Variants in SHBG observed in about 807,000 individuals in gnomAD.
The protein encoded by SHBG is sex hormone-binding globulin.
Under a neutral mutation model 41.9 loss-of-function variants are expected in SHBG, and 37 were observed. The observed-to-expected ratio is 0.88, with a 90% confidence interval of 0.68 to 1.16. The LOEUF is 1.16. Ranked by LOEUF, SHBG falls within the 50% of genes most tolerant of loss-of-function variation. SHBG has a pLI of 0.00. For synonymous variants in SHBG, 217 were observed against 205.8 expected (o/e 1.05, Z -0.47); for missense variants, 466 against 499.9 (o/e 0.93, Z 0.65).
At chr17:7,615,625 C>A (rs546394740) in intron 1 of SHBG, among the ~76,000 whole-genome samples, 2 of 147,512 alleles carry the variant, frequency 1.4e-5, no homozygotes, top group Admixed American at 6.8e-5. Flanking sequence ...TCGAGACCAG[C>A]GTGGCCAAAA....
chr17:7,624,242 C>T (rs781405708), upstream of SHBG, among the ~76,000 whole-genome samples: 8 of 151,462 alleles, frequency 5.3e-5, no homozygotes, highest in Non-Finnish European at 7.4e-5. Context: ...TGAGCCACCA[C>T]GCCTGGCCAT....
chr17:7,614,359 C>A, intron 1 of SHBG: 1 of 931,038 alleles, frequency 1.1e-6, no homozygotes, highest in South Asian at 1.6e-5. Flanking sequence ...GGCCAGGACT[C>A]AGCTCCAGAA....
chr17:7,622,008 T>G (rs2072107025), intron 1 of SHBG, among the ~76,000 whole-genome samples: 1 of 150,460 alleles, frequency 6.6e-6, no homozygotes, highest in Admixed American at 6.6e-5. Context: ...GGCTAATTTT[T>G]TTTTTTTTTT....
At position 7,630,502 on chromosome 17, in the gene SHBG, C is replaced by A; in HGVS notation, c.198C>A (p.Ile66=). ...IAVMTFDLTK[I]TKTSSSFEVR... ...TCATGACCTTTGACCTCACCAAGAT[C>A]ACAAAGTATGGGGTTGGCCTAGCCC... Residue 66 remains isoleucine (I), a synonymous_variant, in exon 2 of 8, where the codon ATC becomes ATA. Transcript: ENST00000380450. The surrounding 1 kb of genome is among the most constrained non-coding windows in gnomAD (Gnocchi z 4.6). 6.2e-7 allele frequency: 1 copy of A among 1,613,884 alleles called. No homozygotes were observed. Among genetic ancestry groups the A allele is most frequent in the South Asian group, 1.1e-5 (1 of 91,066 alleles).
upstream of SHBG, among the ~76,000 whole-genome samples, chr17:7,625,437 C>T (rs1164696968): frequency 1.3e-5 from 2 of 150,768 alleles, no homozygotes; most frequent in African/African-American, 2.4e-5. Context: ...CTTAGCCGGG[C>T]GTGGTGGCGG....
Position 7,621,704 on chromosome 17 carries a change from G to GA in SHBG, c.-62+7603dup, listed in dbSNP as rs200605456. Among the ~76,000 whole-genome samples, 281 of 148,444 alleles carry GA rather than the reference G, an allele frequency of 1.9e-3. 3 individuals are homozygous for GA. The highest frequency in any genetic ancestry group is 0.015 in the Admixed American group (225 of 14,774). ...AATAAAGTACATAATGTATATCTGTGAAAAAAAAAATCCCATGGAATTGGG... is the reference window on the plus strand; with the variant it reads ...AATAAAGTACATAATGTATATCTGTGAAAAAAAAAAATCCCATGGAATTGGG... On this transcript the variant is annotated intron_variant, in intron 1 of 5. Transcript: ENST00000570547.
chr17:7,626,721 G>T, upstream of SHBG: 1 of 1,613,794 alleles, frequency 6.2e-7, no homozygotes, highest in South Asian at 1.1e-5. Context: ...GCTTCTTCAG[G>T]TCCTCACTTG....
chr17:7,632,614 T>G (rs2072454617), intron 6 of SHBG, 138 bp from the exon 7 acceptor site: 2 of 701,840 alleles, frequency 2.8e-6, no homozygotes, highest in East Asian at 5.4e-5. Flanking sequence ...TGGGGCAGGA[T>G]TTAAGTGGTG....
upstream of SHBG, chr17:7,626,744 T>TGTC (rs761917354): frequency 3.1e-6 from 5 of 1,614,018 alleles, no homozygotes; most frequent in African/African-American, 5.3e-5. Context: ...GCCCCACCCA[T>TGTC]CTCCTCACCT....
intron 1 of SHBG, chr17:7,614,916 C>T (rs1371229400): frequency 6.5e-6 from 1 of 153,210 alleles, no homozygotes; most frequent in East Asian, 1.9e-4. Context: ...ACCGGGCACC[C>T]GCCCGCTGCG....
At chr17:7,627,607 T>C (rs1204015300), upstream of SHBG, 2 of 1,613,222 alleles carry the variant, frequency 1.2e-6, no homozygotes, top group African/African-American at 1.3e-5. The surrounding 1 kb of genome is among the most constrained non-coding windows in gnomAD (Gnocchi z 4.8). Flanking sequence ...GTCTCCCTCC[T>C]TGGCCTCTCG....
upstream of SHBG, among the ~76,000 whole-genome samples, chr17:7,628,569 C>G (rs539171377): frequency 2.6e-5 from 4 of 152,040 alleles, no homozygotes; most frequent in Non-Finnish European, 5.9e-5. Context: ...GCCTCACCCT[C>G]GGAGTAGCTG....
At chr17:7,614,815 C>G (rs1035363065) in intron 1 of SHBG, 2 of 184,552 alleles carry the variant, frequency 1.1e-5, no homozygotes, top group African/African-American at 4.8e-5. Flanking sequence ...GCCGCCGCCC[C>G]CGCTGCTGCC....
upstream of SHBG, among the ~76,000 whole-genome samples, chr17:7,623,959 G>T (rs903543670): frequency 3.3e-5 from 5 of 151,916 alleles, no homozygotes; most frequent in African/African-American, 1.2e-4. Flanking sequence ...TTTTCTTTGG[G>T]TTTGTTTGTT....
chr17:7,627,269 C>G, upstream of SHBG: 1 of 1,612,676 alleles, frequency 6.2e-7, no homozygotes, highest in Non-Finnish European at 8.5e-7. The surrounding 1 kb of genome is among the most constrained non-coding windows in gnomAD (Gnocchi z 4.8). Context: ...AGAAAGAGGA[C>G]GTGGGTGTAT....
At position 7,632,902 on chromosome 17, in the gene SHBG, C is replaced by G. The variant is rs776036163; in HGVS notation, c.1003C>G (p.Pro335Ala). 4 of 1,614,148 alleles carry G rather than the reference C, an allele frequency of 2.5e-6. No homozygotes were observed. Among genetic ancestry groups the G allele is most frequent in the Non-Finnish European group, 3.4e-6 (4 of 1,180,024 alleles). Reference protein sequence around the residue: ...ALALPPLGLAPLLNLWAKPQG... With the variant: ...ALALPPLGLAALLNLWAKPQG... Reference sequence around the variant, plus strand: ...TGCCCTGCCTCCCTTAGGCCTGGCTCCCCTCCTTAACCTCTGGGCCAAGCC... The same window carrying G: ...TGCCCTGCCTCCCTTAGGCCTGGCTGCCCTCCTTAACCTCTGGGCCAAGCC... Residue 335 changes from proline to alanine, a missense_variant, in exon 7 of 8, where the codon CCC becomes GCC. By Grantham distance (27) the Pro-to-Ala change is conservative. Coordinates refer to ENST00000380450, the MANE Select transcript of SHBG (RefSeq NM_001040.5).
At chr17:7,632,646 C>A in intron 6 of SHBG, 106 bp from the exon 7 acceptor site, 1 of 867,412 alleles carries the variant, frequency 1.2e-6, no homozygotes, top group Non-Finnish European at 1.9e-6. Context: ...TAGGTGGAGG[C>A]ATAGCGAAGA....
chr17:7,614,714 C>A (rs1168934933), intron 1 of SHBG: 1 of 289,756 alleles, frequency 3.5e-6, no homozygotes, highest in Non-Finnish European at 6.3e-6. Flanking sequence ...GGGGCCGGGC[C>A]GCTCCCCGTC....
rs374876938 is a variant in SHBG at position 7,615,529 on chromosome 17, G to A, written c.-62+1418G>A. On this transcript the variant is annotated intron_variant, in intron 1 of 5. Transcript: ENST00000570547. ...TACAATGAAAGTTTTGGCCGGGCGC[G>A]GTGGCTCACGCCTGTAATCCCAGCG... is the stretch of plus-strand genomic sequence containing the variant. 2.0e-5 allele frequency among the ~76,000 whole-genome samples: 3 copies of A among 151,908 alleles called. No individual in the cohort carries two copies. In the East Asian group the frequency reaches 5.8e-4, roughly 29 times the overall value.
Sources: allele counts gnomAD v4.1 joint callset (sites outside exome capture counted in the v4.1 genomes callset), GRCh38; gene constraint gnomAD v4.1.1; non-coding constraint Gnocchi (gnomAD v3.1); transcripts MANE v1.5; gene names NCBI Gene and HGNC (gene_info 2026-07-23, HGNC 2026-07-21).